The following NRP1 variants were observed in gnomAD, a reference collection of about 807,000 sequenced individuals.
NRP1 encodes the protein neuropilin 1, also known as neuropilin-1.
A neutral mutation model predicts 106.7 loss-of-function variants in NRP1; 35 were observed. The observed-to-expected ratio is 0.33, with a 90% confidence interval of 0.25 to 0.43. The LOEUF (loss-of-function observed/expected upper bound fraction) is 0.43. NRP1 is among the 20% of genes least tolerant of loss of function. The probability of loss-of-function intolerance (pLI) is 1.00; values close to 1 mark genes in which losing one functional copy is unlikely to be tolerated. For missense variants in NRP1, 1,024 were observed against 1,170.4 expected, an observed-to-expected ratio of 0.87 and a Z score of 1.83; for synonymous variants, 437 against 417.9, an observed-to-expected ratio of 1.05 and a Z score of -0.56.
chr10:33,248,144 C>T (rs1223688169), intron 6 of NRP1, among the ~76,000 whole-genome samples: 1 of 152,016 alleles, frequency 6.6e-6, no homozygotes, highest in Non-Finnish European at 1.5e-5. Flanking sequence ...ACAAAAATTA[C>T]CTGGGCTTGG....
intron 6 of NRP1, among the ~76,000 whole-genome samples, chr10:33,237,832 G>A (rs1233275618): frequency 6.6e-6 from 1 of 152,010 alleles, no homozygotes; most frequent in African/African-American, 2.4e-5. Context: ...GATTACAAGT[G>A]TGAGCCACCA....
intron 2 of NRP1, among the ~76,000 whole-genome samples, chr10:33,329,468 AT>A (rs918979030): frequency 6.6e-5 from 10 of 152,332 alleles, no homozygotes; most frequent in African/African-American, 2.2e-4. Context: ...AGGTAGGAAG[AT>A]TTTGATATTA....
intron 2 of NRP1, among the ~76,000 whole-genome samples, chr10:33,328,401 AC>A (rs753753791): frequency 2.6e-4 from 40 of 152,260 alleles, no homozygotes; most frequent in Non-Finnish European, 5.4e-4. Flanking sequence ...TTCTCTAGGC[AC>A]CAAAATGTTG....
intron 11 of NRP1, among the ~76,000 whole-genome samples, chr10:33,199,377 ATATATATATATATTTTTTTTTTTTT>A (rs1564372702): frequency 1.5e-4 from 8 of 51,932 alleles, no homozygotes; most frequent in African/African-American, 6.5e-4. Context: ...CTATATATAT[ATATATATATATATTTTTTTTTTTTT>A]TTTTTTTTTT....
intron 2 of NRP1, among the ~76,000 whole-genome samples, chr10:33,309,023 C>T (rs1455442898): frequency 6.6e-6 from 1 of 151,768 alleles, no homozygotes; most frequent in African/African-American, 2.4e-5. Flanking sequence ...GAGTATTAAC[C>T]TATTTCCAAA....
rs1554774619 is a variant in NRP1 at position 33,188,933 on chromosome 10, A to ATATG, written c.2063-2446_2063-2445insCATA. 2.3e-4 allele frequency among the ~76,000 whole-genome samples: 33 copies of ATATG among 144,540 alleles called. 1 individual carries two copies. The East Asian group carries it at 5.8e-3, about 25-fold the overall frequency. 94.8% of individuals were successfully genotyped at this position (144,540 alleles called of 152,430 possible). On this transcript the variant is annotated intron_variant, in intron 13 of 16. Coordinates refer to ENST00000374867, the MANE Select transcript of NRP1 (RefSeq NM_003873.7). ...TAAATATATATATATATATATATAT[A>ATATG]TATAAATTAAAACTGCTCGTGTTGC...
chr10:33,257,498 G>A (rs138107089), intron 4 of NRP1, among the ~76,000 whole-genome samples: 8 of 152,288 alleles, frequency 5.3e-5, no homozygotes, highest in African/African-American at 1.4e-4. Flanking sequence ...TTAGCCAGGC[G>A]TGGTGGGCAG....
chr10:33,193,217 T>C (rs1172475148), intron 12 of NRP1, among the ~76,000 whole-genome samples: 1 of 152,128 alleles, frequency 6.6e-6, no homozygotes, highest in African/African-American at 2.4e-5. Flanking sequence ...TGACTTGCCT[T>C]GTGTGTGCCC....
chr10:33,306,515 C>T (rs1336371104), intron 2 of NRP1, among the ~76,000 whole-genome samples: 4 of 152,130 alleles, frequency 2.6e-5, no homozygotes, highest in Non-Finnish European at 5.9e-5. Context: ...GGCCAGGCAA[C>T]GACTTAATAT....
chr10:33,246,956 GA>G (rs1286651573), intron 6 of NRP1, among the ~76,000 whole-genome samples: 2 of 151,984 alleles, frequency 1.3e-5, no homozygotes, highest in South Asian at 4.1e-4. Flanking sequence ...GCAATTTGGT[GA>G]AAAAAATCAA....
intron 15 of NRP1, 112 bp from the exon 16 acceptor site, chr10:33,182,860 C>A: frequency 1.3e-6 from 1 of 767,640 alleles, no homozygotes; most frequent in South Asian, 1.5e-5. Context: ...CACACACACA[C>A]ACGTGTCTAC....
chr10:33,228,037 A>C (rs1313793517), intron 6 of NRP1, among the ~76,000 whole-genome samples: 1 of 152,080 alleles, frequency 6.6e-6, no homozygotes, highest in Non-Finnish European at 1.5e-5. Flanking sequence ...ACTCATTACT[A>C]GTTTGTATAT....
At chr10:33,243,899 AAGG>A (rs1275309788) in intron 6 of NRP1, among the ~76,000 whole-genome samples, 1 of 150,872 alleles carries the variant, frequency 6.6e-6, no homozygotes, top group African/African-American at 2.4e-5. Flanking sequence ...GGAGGGAGGG[AAGG>A]AGAAGGAGAG....
chr10:33,262,463 G>T (rs1588873685), intron 4 of NRP1, among the ~76,000 whole-genome samples: 1 of 152,048 alleles, frequency 6.6e-6, no homozygotes, highest in African/African-American at 2.4e-5. Context: ...AGCACTTTGG[G>T]AGGCTGAGGC....
intron 8 of NRP1, among the ~76,000 whole-genome samples, chr10:33,214,097 T>C (rs1838553713): frequency 6.6e-6 from 1 of 152,038 alleles, no homozygotes. Context: ...TAGAAGTCAA[T>C]CCGATAGCAG....
chr10:33,263,679 C>T lies in NRP1; in HGVS notation c.625G>A (p.Asp209Asn), dbSNP rs1842727169. Reference sequence around the variant, plus strand: ...AATCCATCCCAGATTTCTAGCCGGTCGTAGCGACAGAACATCCCCCCTGGA... The same window carrying T: ...AATCCATCCCAGATTTCTAGCCGGTTGTAGCGACAGAACATCCCCCCTGGA... ...NPPGGMFCRY[D>N]RLEIWDGFPD... Residue 209 changes from aspartate to asparagine, a missense_variant, in exon 4 of 17, where the codon GAC (aspartate) becomes AAC (asparagine). Coordinates refer to ENST00000374867, the MANE Select transcript of NRP1 (RefSeq NM_003873.7). The T allele has an allele frequency of 1.9e-6, 3 of 1,613,774 alleles. No individual in the cohort carries two copies. Among genetic ancestry groups the T allele is most frequent in the Admixed American group, 1.7e-5 (1 of 60,006 alleles).
chr10:33,199,431 A>G (rs1197187098), intron 11 of NRP1, among the ~76,000 whole-genome samples: 1 of 105,744 alleles, frequency 9.5e-6, no homozygotes, highest in Non-Finnish European at 1.8e-5. Context: ...TGGCGGAGAC[A>G]GGGATCTCAC....
intron 2 of NRP1, among the ~76,000 whole-genome samples, chr10:33,321,580 A>G (rs148147450): frequency 2.0e-5 from 3 of 152,274 alleles, no homozygotes; most frequent in African/African-American, 7.2e-5. Flanking sequence ...GTAAGAATGT[A>G]TGCCTTTAAA....
intron 16 of NRP1, among the ~76,000 whole-genome samples, chr10:33,182,234 C>T (rs1835731236): frequency 6.6e-6 from 1 of 152,144 alleles, no homozygotes; most frequent in Admixed American, 6.5e-5. Context: ...ATGAATCAAA[C>T]ACAATGGATT....
Sources: allele counts gnomAD v4.1 joint callset (sites outside exome capture counted in the v4.1 genomes callset), GRCh38; gene constraint gnomAD v4.1.1; transcripts MANE v1.5; gene names NCBI Gene and HGNC (gene_info 2026-07-23, HGNC 2026-07-21).